ABCA7: variants seen among roughly 807,000 people sequenced by gnomAD.
ABCA7 encodes the protein ATP binding cassette subfamily A member 7, also known as phospholipid-transporting ATPase ABCA7.
A neutral mutation model predicts 227.6 loss-of-function variants in ABCA7; 261 were observed. The observed-to-expected ratio is 1.15, with a 90% CI of 1.04 to 1.27. The LOEUF is 1.27. Ranked by LOEUF, ABCA7 falls within the 50% of genes most tolerant of loss-of-function variation. The pLI is 0.00. For synonymous variants in ABCA7, 1,488 were observed against 1,279.7 expected, an observed-to-expected ratio of 1.16 and a Z score of -3.47; for missense variants, 3,331 against 2,924.5, an observed-to-expected ratio of 1.14 and a Z score of -3.21.
At chr19:1,060,207 A>ATATATATATATATATATATATTT in intron 40 of ABCA7, among the ~76,000 whole-genome samples, 20 of 96,858 alleles carry the variant, frequency 2.1e-4, no homozygotes, top group Admixed American at 5.3e-4. Flanking sequence ...ATATATATAT[A>ATATATATATATATATATATATTT]TTTTTTTTTC....
Position 1,058,052 on chromosome 19 carries a change from C to G in ABCA7, c.5018C>G (p.Ser1673Cys). Residue 1673 changes from serine (S) to cysteine (C), a missense_variant, in exon 36 of 47, where the codon TCT (serine) becomes TGT (cysteine). By Grantham distance (112) the Ser-to-Cys change is moderately radical (BLOSUM62 -1). Coordinates refer to ENST00000263094, the MANE Select transcript of ABCA7 (RefSeq NM_019112.4). ...GCCACCTTTGTGCTTGAGCTCTTCT[C>G]TGATCAGGTGGGGCACCACGAGGCT... Reference protein sequence around the residue: ...SMATFVLELFSDQKLQEVSRI... With the variant: ...SMATFVLELFCDQKLQEVSRI... The G allele has an allele frequency of 6.2e-7, 1 of 1,614,156 alleles. No homozygotes were observed. The highest frequency in any genetic ancestry group is 8.5e-7 in the Non-Finnish European group (1 of 1,180,028).
At chr19:1,049,048 C>A in intron 17 of ABCA7, 43 bp downstream of exon 17, 2 of 1,107,758 alleles carry the variant, frequency 1.8e-6, no homozygotes, top group Non-Finnish European at 2.6e-6. Flanking sequence ...CCACATATGC[C>A]CAGTTCCCCC....
intron 40 of ABCA7, among the ~76,000 whole-genome samples, chr19:1,061,253 C>T (rs1307706239): frequency 6.6e-6 from 1 of 151,716 alleles, no homozygotes; most frequent in East Asian, 1.9e-4. Flanking sequence ...AAAAATTAGC[C>T]GGGCTTGGTG....
In ABCA7 at chr19:1,043,766, C is replaced by T; in HGVS notation, c.972C>T (p.Val324=). The T allele has an allele frequency of 6.2e-7, 1 of 1,613,058 alleles. No individual in the cohort carries two copies. Among genetic ancestry groups the T allele is most frequent in the Non-Finnish European group, 8.5e-7 (1 of 1,179,944 alleles). The change falls in exon 10 of 47, where the codon GTC becomes GTT. Residue 324 remains valine (V), a synonymous_variant. Transcript: ENST00000263094. ...TFEELTLLRD[V]REVWEMLGPR... is the part of the protein sequence containing the mutation. ...AGGAGCTCACCCTGCTGAGGGATGT[C>T]CGGGAGGTGTGGGAGATGCTGGGAC...
chr19:1,041,636 G>T, intron 3 of ABCA7, 33 bp downstream of exon 3: 1 of 1,603,818 alleles, frequency 6.2e-7, no homozygotes. Flanking sequence ...CACTTTGTGT[G>T]TGTAGGGGAA....
chr19:1,061,741 C>T, intron 40 of ABCA7, 41 bp from the exon 41 acceptor site: 11 of 1,550,042 alleles, frequency 7.1e-6, no homozygotes, highest in Non-Finnish European at 9.7e-6. Flanking sequence ...GGAACCAGGG[C>T]CTGGGGCCTC....
rs894311493 is a variant in ABCA7, at chr19:1,056,413, C to T, written c.4500C>T (p.Pro1500=). The T allele has an allele frequency of 1.2e-6, 2 of 1,613,600 alleles. No homozygotes were observed. Among genetic ancestry groups the T allele is most frequent in the Non-Finnish European group, 1.7e-6 (2 of 1,180,000 alleles). The change falls in exon 33 of 47, where the codon CCC becomes CCT. Residue 1500 remains proline, a synonymous_variant. Transcript: ENST00000263094. The surrounding 1 kb of genome is among the most constrained non-coding windows in gnomAD (Gnocchi z 4.3). ...ACGCAATCCTCCGTGCTCACCTGCC[C>T]CCAGGCCCGGCCCGCCACGCCCACA... The part of the protein sequence containing the change: ...ASNAILRAHL[P]PGPARHAHSI...
chr19:1,042,665 G>A (rs1193394200), intron 6 of ABCA7, 81 bp from the exon 7 acceptor site: 2 of 1,404,254 alleles, frequency 1.4e-6, no homozygotes, highest in South Asian at 2.3e-5. Context: ...TGATAGTATG[G>A]TCTGCCTGGG....
chr19:1,041,894 G>T lies in ABCA7; in HGVS notation c.224G>T (p.Cys75Phe). 6.2e-7 allele frequency: 1 copy of T among 1,601,730 alleles called. No homozygotes were observed. The change falls in exon 4 of 47, where the codon TGT (cysteine) becomes TTT (phenylalanine). Residue 75 changes from cysteine to phenylalanine, a missense_variant. Transcript: ENST00000263094. ...GTGCCCTGGCTCCAGGGTCTCATCT[G>T]TAATGTGAACAACACCTGCTTTCCG... ...GTVPWLQGLI[C>F]NVNNTCFPQL...
Position 1,051,112 on chromosome 19 carries a change from C to T in ABCA7, c.2685-43C>T, listed in dbSNP as rs200091493. The T allele has an allele frequency of 5.0e-5, 81 of 1,611,156 alleles. No homozygotes were observed. The African/African-American group carries it at 8.4e-4, about 17-fold the overall frequency. ...AAGGGACTGGACGCCCTCTGGGACTCTGCCTGCCATGTGGGTCACTCTGCT... is the reference window on the plus strand; with the variant it reads ...AAGGGACTGGACGCCCTCTGGGACTTTGCCTGCCATGTGGGTCACTCTGCT... On this transcript the variant is annotated intron_variant, in intron 19 of 46. Transcript: ENST00000263094.
Position 1,047,539 on chromosome 19 carries a change from C to A in ABCA7, c.2154C>A (p.Asn718Lys). Residue 718 changes from asparagine (N) to lysine (K), a missense_variant, in exon 16 of 47, where the codon AAC becomes AAA. Transcript: ENST00000263094. ...AGGGCGAGGGCGCGCAGTGGCACAA[C>A]GTGGGCACCCGGCCTACGGCAGACG... Reference protein sequence around the residue: ...EEQGEGAQWHNVGTRPTADVF... With the variant: ...EEQGEGAQWHKVGTRPTADVF... 1 of 1,598,954 alleles carries A rather than the reference C, an allele frequency of 6.3e-7. No individual in the cohort carries two copies. Among genetic ancestry groups the A allele is most frequent in the African/African-American group, 1.3e-5 (1 of 74,962 alleles).
Position 1,065,055 on chromosome 19 carries a change from T to C in ABCA7, c.6169T>C (p.Phe2057Leu). ...LREAHGGRLR[F>L]QLPPGGRCAL... ...CGAGGCACATGGAGGCCGCCTGCGC[T>C]TCCAGCTGCCGCCGGGAGGGCGCTG... is the stretch of plus-strand genomic sequence containing the variant. The change falls in exon 46 of 47, where the codon TTC (phenylalanine) becomes CTC (leucine). Residue 2057 changes from phenylalanine (F) to leucine (L), a missense_variant. Physicochemically the swap from Phe to Leu is conservative, Grantham distance 22. Transcript: ENST00000263094. 1 of 1,560,932 alleles carries C rather than the reference T, an allele frequency of 6.4e-7. No individual in the cohort carries two copies. Among genetic ancestry groups the C allele is most frequent in the African/African-American group, 1.4e-5 (1 of 73,504 alleles).
Position 1,043,470 on chromosome 19 carries a change from C to G in ABCA7, c.927C>G (p.Ala309=). The part of the protein sequence containing the change: ...PDTPFTRKLM[A]QVNRTFEELT... ...CACCTTTTACCCGGAAGCTCATGGCCCAGGTGGGGGCAGCCTGGATGCTGG... is the reference window on the plus strand; with the variant it reads ...CACCTTTTACCCGGAAGCTCATGGCGCAGGTGGGGGCAGCCTGGATGCTGG... Residue 309 remains alanine, a synonymous_variant, in exon 9 of 47, where the codon GCC becomes GCG. Transcript: ENST00000263094. 6.2e-7 allele frequency: 1 copy of G among 1,613,200 alleles called. No individual in the cohort carries two copies.
At chr19:1,064,675 C>G in intron 45 of ABCA7, 1 of 574,478 alleles carries the variant, frequency 1.7e-6, no homozygotes, top group Non-Finnish European at 2.9e-6. Context: ...GGGGTGATAG[C>G]TTCGAGAGCA....
rs576938426 is a variant in ABCA7, at chr19:1,058,185, C to T, written c.5065C>T (p.Leu1689Phe). The T allele has an allele frequency of 2.7e-4, 429 of 1,613,762 alleles. 6 individuals are homozygous for T. In the South Asian group the frequency reaches 4.4e-3, roughly 16 times the overall value. ...EVSRILKQVF[L>F]IFPHFCLGRG... is the part of the protein sequence containing the mutation. ...GAGCCGGATCTTGAAACAGGTCTTC[C>T]TTATCTTCCCCCACTTCTGCTTGGG... The change falls in exon 37 of 47, where the codon CTT becomes TTT. Residue 1689 changes from leucine to phenylalanine, a missense_variant. Coordinates refer to ENST00000263094, the MANE Select transcript of ABCA7 (RefSeq NM_019112.4).
intron 1 of ABCA7, among the ~76,000 whole-genome samples, chr19:1,040,920 G>A (rs935367125): frequency 6.6e-6 from 1 of 152,166 alleles, no homozygotes; most frequent in African/African-American, 2.4e-5. Flanking sequence ...TCGGAGAACA[G>A]TGAGGGGAAA....
chr19:1,042,804 C>T lies in ABCA7; in HGVS notation c.557C>T (p.Ala186Val). 4.3e-6 allele frequency: 7 copies of T among 1,610,772 alleles called. No individual in the cohort carries two copies. Among genetic ancestry groups the T allele is most frequent in the Non-Finnish European group, 5.9e-6 (7 of 1,179,060 alleles). Reference sequence around the variant, plus strand: ...GAGCCCTTGCACAGCTTGTTGGAGGCCGCTGAGGACCTGGCCCAGGAGGTA... The same window carrying T: ...GAGCCCTTGCACAGCTTGTTGGAGGTCGCTGAGGACCTGGCCCAGGAGGTA... ...AQEPLHSLLE[A>V]AEDLAQELLA... The change falls in exon 7 of 47, where the codon GCC becomes GTC. Residue 186 changes from alanine to valine, a missense_variant. By Grantham distance (64) the Ala-to-Val change is moderately conservative. Transcript: ENST00000263094.
intron 35 of ABCA7, among the ~76,000 whole-genome samples, chr19:1,057,711 C>T (rs2042372948): frequency 6.6e-6 from 1 of 150,922 alleles, no homozygotes. Context: ...TTGAGACCAG[C>T]CTGGGAAACA....
intron 18 of ABCA7, among the ~76,000 whole-genome samples, chr19:1,050,650 G>A (rs1436857105): frequency 1.4e-5 from 2 of 144,590 alleles, no homozygotes; most frequent in African/African-American, 5.1e-5. Flanking sequence ...CATGGTGGCG[G>A]GCGCCTGTAG....
Sources: gnomAD v4.1 joint callset for allele counts (sites outside exome capture counted in the v4.1 genomes callset) on GRCh38, gnomAD v4.1.1 for gene constraint, Gnocchi (gnomAD v3.1) non-coding constraint, MANE v1.5 for transcripts, NCBI Gene and HGNC (gene_info 2026-07-23, HGNC 2026-07-21) for gene names.